The following ACBD6 variants were observed in gnomAD, a reference collection of about 807,000 sequenced individuals.
ACBD6 encodes acyl-CoA-binding domain-containing protein 6.
Under a neutral mutation model 37.2 loss-of-function variants are expected in ACBD6, and 28 were observed. The ratio of observed to expected loss-of-function variants is 0.75; its 90% CI spans 0.56 to 1.03. The LOEUF (loss-of-function observed/expected upper bound fraction) is 1.03, where lower values mean the gene tolerates loss of function less well. Ranked by LOEUF, ACBD6 falls within the 50% of genes least tolerant of loss-of-function variation. ACBD6 has a pLI of 0.00. For missense variants in ACBD6, 340 were observed against 337.4 expected, an observed-to-expected ratio of 1.01 and a Z score of -0.06; for synonymous variants, 113 against 126.8, an observed-to-expected ratio of 0.89 and a Z score of 0.73.
chr1:180,278,704 TC>T (rs1180016303), intron 9 of ACBD6: 2 of 151,742 alleles, frequency 1.3e-5, no homozygotes, highest in Non-Finnish European at 2.9e-5. Flanking sequence ...CAGAAGTTGC[TC>T]TGAGCTTGCA....
intron 6 of ACBD6, among the ~76,000 whole-genome samples, chr1:180,364,712 G>A (rs1652982822): frequency 4.2e-5 from 1 of 23,996 alleles, no homozygotes; most frequent in Non-Finnish European, 8.0e-5. Context: ...AGTTGAACCA[G>A]ATGATCTTTA....
At chr1:180,452,836 C>T (rs12085808) in intron 3 of ACBD6, among the ~76,000 whole-genome samples, 19,371 of 152,092 alleles carry the variant, frequency 0.13, 1,790 homozygotes, top group East Asian at 0.36. Context: ...AATTCCTGGA[C>T]GCATGCACCC....
Position 180,271,989 on chromosome 1 carries a change from G to A in ACBD6, c.*1254-18C>T. ...GCAGAGGACTGTGGGGTTAGTGACA[G>A]TGAGCTGAGCTTCCGAGGTGAGCAG... is the stretch of plus-strand genomic sequence containing the variant. On this transcript the variant is annotated intron_variant, in intron 13 of 13. Transcript: ENST00000642319. 6.2e-7 allele frequency: 1 copy of A among 1,612,826 alleles called. No homozygotes were observed. Among genetic ancestry groups the A allele is most frequent in the Non-Finnish European group, 8.5e-7 (1 of 1,179,734 alleles).
At chr1:180,459,148 G>C (rs1205093694) in intron 3 of ACBD6, among the ~76,000 whole-genome samples, 1 of 152,142 alleles carries the variant, frequency 6.6e-6, no homozygotes, top group Non-Finnish European at 1.5e-5. Flanking sequence ...CAATCTGGTA[G>C]TCTAACAGAT....
chr1:180,381,256 CA>C (rs1653635818), intron 6 of ACBD6, among the ~76,000 whole-genome samples: 1 of 152,140 alleles, frequency 6.6e-6, no homozygotes, highest in Non-Finnish European at 1.5e-5. Flanking sequence ...GACTCCAATA[CA>C]ATAACAATTG....
At chr1:180,493,499 C>CTCAATCCCACA (rs1571581456) in intron 2 of ACBD6, among the ~76,000 whole-genome samples, 1 of 152,044 alleles carries the variant, frequency 6.6e-6, no homozygotes, top group East Asian at 1.9e-4. Flanking sequence ...TCAAACAGAA[C>CTCAATCCCACA]TCAATCCCAC....
At chr1:180,422,871 A>G (rs1648426645) in intron 4 of ACBD6, among the ~76,000 whole-genome samples, 1 of 152,186 alleles carries the variant, frequency 6.6e-6, no homozygotes, top group Non-Finnish European at 1.5e-5. Context: ...TGAGCTCACC[A>G]CACTAGCCAT....
intron 7 of ACBD6, among the ~76,000 whole-genome samples, chr1:180,301,476 T>C (rs970350071): frequency 6.6e-6 from 1 of 152,202 alleles, no homozygotes; most frequent in Non-Finnish European, 1.5e-5. Flanking sequence ...ATAAAATACA[T>C]GTATAGTACT....
intron 6 of ACBD6, among the ~76,000 whole-genome samples, chr1:180,358,977 T>C (rs1467435950): frequency 6.6e-6 from 1 of 152,154 alleles, no homozygotes; most frequent in Non-Finnish European, 1.5e-5. Context: ...TGTGGAAAAT[T>C]ATCATTTGAC....
intron 3 of ACBD6, among the ~76,000 whole-genome samples, chr1:180,450,481 G>A (rs112541545): frequency 2.6e-5 from 4 of 152,288 alleles, no homozygotes; most frequent in East Asian, 3.9e-4. Flanking sequence ...AGACTCGGCC[G>A]GGTGCAGTGG....
At chr1:180,386,450 T>C (rs1022852965) in intron 6 of ACBD6, among the ~76,000 whole-genome samples, 1 of 152,212 alleles carries the variant, frequency 6.6e-6, no homozygotes, top group Admixed American at 6.5e-5. Context: ...CTCAAATCTA[T>C]AGGTTTATGC....
At chr1:180,310,222 T>C (rs997456806) in intron 7 of ACBD6, among the ~76,000 whole-genome samples, 3 of 152,118 alleles carry the variant, frequency 2.0e-5, no homozygotes, top group African/African-American at 7.2e-5. Context: ...TAGCCAGGTG[T>C]AGTGGTGCGT....
intron 10 of ACBD6, chr1:180,274,146 C>G: frequency 6.2e-7 from 1 of 1,613,656 alleles, no homozygotes; most frequent in Non-Finnish European, 8.5e-7. Context: ...CATCAGAGTC[C>G]TGGCAGCTGA....
intron 6 of ACBD6, among the ~76,000 whole-genome samples, chr1:180,348,216 G>A (rs1203483987): frequency 6.6e-6 from 1 of 152,128 alleles, no homozygotes; most frequent in African/African-American, 2.4e-5. Context: ...CTCCTTTTGG[G>A]CAAATTAAAA....
intron 6 of ACBD6, among the ~76,000 whole-genome samples, chr1:180,349,056 C>A (rs1652299448): frequency 6.6e-6 from 1 of 151,552 alleles, no homozygotes; most frequent in African/African-American, 2.4e-5. Flanking sequence ...TTTTTTTTAA[C>A]CCATTTTAGG....
chr1:180,295,784 G>A (rs1320211305), intron 7 of ACBD6, among the ~76,000 whole-genome samples: 2 of 152,124 alleles, frequency 1.3e-5, no homozygotes, highest in African/African-American at 4.8e-5. Context: ...TGTTCTGACT[G>A]TACCATGGAA....
In ACBD6 at chr1:180,495,450, G is replaced by A; in HGVS notation, c.287+11C>T. ...CCAACAACCTCATTAAAGATTCCAG[G>A]AATTTCTTACCATTTTTGCTTTCCT... On this transcript the variant is annotated intron_variant, in intron 2 of 7. Coordinates refer to ENST00000367595, the MANE Select transcript of ACBD6 (RefSeq NM_032360.4). The A allele has an allele frequency of 6.3e-7, 1 of 1,586,208 alleles. No individual in the cohort carries two copies. The highest frequency in any genetic ancestry group is 8.6e-7 in the Non-Finnish European group (1 of 1,163,398).
At chr1:180,407,633 TA>T (rs949604331) in intron 5 of ACBD6, among the ~76,000 whole-genome samples, 9 of 152,316 alleles carry the variant, frequency 5.9e-5, no homozygotes, top group Admixed American at 3.3e-4. Context: ...TTTATCCTTC[TA>T]AAATCTAGTG....
At position 180,353,378 on chromosome 1, in the gene ACBD6, ATAGC is replaced by A. The variant is rs1204465856; in HGVS notation, c.664-38660_664-38657del. ...GTCATTTTAGATGTTTTACTCTGTG[ATAGC>A]CCATGTCACCTTACTGGTTAACAGA... On this transcript the variant is annotated intron_variant, in intron 6 of 7. Coordinates refer to ENST00000367595, the MANE Select transcript of ACBD6 (RefSeq NM_032360.4). Among the ~76,000 whole-genome samples, 15 of 152,304 alleles carry A rather than the reference ATAGC, an allele frequency of 9.8e-5. No individual in the cohort carries two copies. In the East Asian group the frequency reaches 2.9e-3, roughly 29 times the overall value.
Sources: gnomAD v4.1 joint callset for allele counts (sites outside exome capture counted in the v4.1 genomes callset) on GRCh38, gnomAD v4.1.1 for gene constraint, MANE v1.5 for transcripts, NCBI Gene and HGNC (gene_info 2026-07-23, HGNC 2026-07-21) for gene names.